The following THADA variants were observed in gnomAD, a reference collection of about 807,000 sequenced individuals.
THADA encodes tRNA (32-2'-O)-methyltransferase regulator THADA.
THADA carries 213 observed loss-of-function variants against 219.8 expected under a neutral mutation model. That is an observed-to-expected ratio of 0.97 (90% confidence interval 0.87 to 1.09). The LOEUF is 1.09. Among genes scored for constraint, THADA ranks in the 50% least tolerant of loss-of-function variants. The pLI is 0.00. For missense variants in THADA, 2,956 were observed against 2,311.3 expected (o/e 1.28, Z -5.72); for synonymous variants, 1,018 against 828.9 (o/e 1.23, Z -3.92).
At chr2:43,438,206 G>T (rs2104849349) in intron 26 of THADA, among the ~76,000 whole-genome samples, 1 of 149,964 alleles carries the variant, frequency 6.7e-6, no homozygotes, top group South Asian at 2.1e-4. Flanking sequence ...GGAGGCTGAG[G>T]CAGGAGAATG....
chr2:43,498,481 T>C lies in THADA; in HGVS notation c.3744+352A>G, dbSNP rs561242912. On this transcript the variant is annotated intron_variant, in intron 25 of 37. Transcript: ENST00000405975. ...TAAAATGTGTAACAATAACAGCACA[T>C]AGATTGGGAGGAGAGAAACAGAAGT... Among the ~76,000 whole-genome samples the C allele has an allele frequency of 1.1e-4, 16 of 152,306 alleles. No individual in the cohort carries two copies. In the South Asian group the frequency reaches 3.3e-3, roughly 32 times the overall value.
intron 28 of THADA, among the ~76,000 whole-genome samples, chr2:43,401,504 TC>T (rs1347675525): frequency 1.3e-5 from 2 of 152,196 alleles, no homozygotes; most frequent in Non-Finnish European, 2.9e-5. Flanking sequence ...GGTCTCGATC[TC>T]CTGACCTCGT....
At chr2:43,392,884 G>C (rs953719986) in intron 29 of THADA, among the ~76,000 whole-genome samples, 1 of 152,152 alleles carries the variant, frequency 6.6e-6, no homozygotes, top group African/African-American at 2.4e-5. Context: ...CAGTGCCTAG[G>C]ACAGGGTAAG....
chr2:43,392,496 C>T (rs1450729581), intron 29 of THADA, among the ~76,000 whole-genome samples: 3 of 152,026 alleles, frequency 2.0e-5, no homozygotes, highest in Non-Finnish European at 4.4e-5. Flanking sequence ...ACAGTGATTC[C>T]TTCATACAAC....
At chr2:43,540,208 C>G (rs183844032) in intron 21 of THADA, among the ~76,000 whole-genome samples, 1 of 152,190 alleles carries the variant, frequency 6.6e-6, no homozygotes, top group Non-Finnish European at 1.5e-5. Flanking sequence ...AGGACACTGA[C>G]GCCTATTTGA....
intron 29 of THADA, among the ~76,000 whole-genome samples, chr2:43,389,915 A>G (rs1673147635): frequency 6.6e-6 from 1 of 152,162 alleles, no homozygotes; most frequent in South Asian, 2.1e-4. Context: ...TGCAGTGTCA[A>G]TGGTTTATTT....
chr2:43,504,057 A>C (rs571422698), intron 24 of THADA, among the ~76,000 whole-genome samples: 1 of 152,158 alleles, frequency 6.6e-6, no homozygotes, highest in South Asian at 2.1e-4. Context: ...TATAATGCAA[A>C]TATGCCAAAA....
intron 16 of THADA, among the ~76,000 whole-genome samples, chr2:43,557,053 A>G (rs542451858): frequency 6.6e-6 from 1 of 152,330 alleles, no homozygotes; most frequent in African/African-American, 2.4e-5. Flanking sequence ...ACTGTGCTCC[A>G]GCCTAGGCAA....
chr2:43,468,561 C>T (rs1453892177), intron 26 of THADA, among the ~76,000 whole-genome samples: 1 of 152,158 alleles, frequency 6.6e-6, no homozygotes, highest in African/African-American at 2.4e-5. Context: ...CTCATTTTCA[C>T]TGCTACCAAA....
At chr2:43,472,977 G>C (rs966624310) in intron 26 of THADA, among the ~76,000 whole-genome samples, 1 of 152,196 alleles carries the variant, frequency 6.6e-6, no homozygotes, top group Non-Finnish European at 1.5e-5. Flanking sequence ...AGGACTGGAA[G>C]TTGTTCTGGG....
intron 30 of THADA, among the ~76,000 whole-genome samples, chr2:43,336,896 C>A (rs1395964506): frequency 6.6e-6 from 1 of 152,206 alleles, no homozygotes; most frequent in Non-Finnish European, 1.5e-5. Flanking sequence ...TGCAGAAGCA[C>A]AGAGTATACT....
intron 31 of THADA, among the ~76,000 whole-genome samples, chr2:43,301,051 G>A (rs188878398): frequency 1.3e-5 from 2 of 152,146 alleles, no homozygotes; most frequent in Non-Finnish European, 2.9e-5. Context: ...TCCCACTCTT[G>A]TAGATTCTGA....
intron 30 of THADA, chr2:43,343,512 T>C (rs181846804): frequency 6.6e-6 from 1 of 152,436 alleles, no homozygotes; most frequent in African/African-American, 2.4e-5. Flanking sequence ...GAACATGGCA[T>C]TACAGAGAGG....
intron 21 of THADA, among the ~76,000 whole-genome samples, chr2:43,529,951 G>T (rs1693650121): frequency 6.6e-6 from 1 of 152,092 alleles, no homozygotes; most frequent in African/African-American, 2.4e-5. Context: ...AAACTGAAAA[G>T]CTCAGAACAG....
intron 30 of THADA, among the ~76,000 whole-genome samples, chr2:43,327,545 T>C (rs1043189882): frequency 4.6e-5 from 7 of 152,190 alleles, no homozygotes; most frequent in Admixed American, 4.6e-4. Flanking sequence ...CTACAACATG[T>C]TTCCACATCC....
At chr2:43,375,596 G>C (rs985867573) in intron 29 of THADA, among the ~76,000 whole-genome samples, 16 of 152,164 alleles carry the variant, frequency 1.1e-4, no homozygotes, top group African/African-American at 3.6e-4. Flanking sequence ...TTAAAGTGAA[G>C]CTAGCATGCA....
At chr2:43,275,891 T>A (rs922439189) in intron 36 of THADA, among the ~76,000 whole-genome samples, 26 of 152,240 alleles carry the variant, frequency 1.7e-4, no homozygotes, top group African/African-American at 6.0e-4. Flanking sequence ...TCCAGGTTGT[T>A]TTTCCCACAC....
chr2:43,301,707 G>A (rs2104407770), intron 31 of THADA, among the ~76,000 whole-genome samples: 1 of 152,310 alleles, frequency 6.6e-6, no homozygotes, highest in Admixed American at 6.5e-5. Flanking sequence ...AAATACTCAT[G>A]TCAGGGGACA....
intron 25 of THADA, among the ~76,000 whole-genome samples, chr2:43,486,953 C>A (rs530008997): frequency 4.3e-4 from 66 of 152,286 alleles, no homozygotes; most frequent in African/African-American, 1.6e-3. Context: ...TGACTCAAGT[C>A]ATGCATGGTA....
Sources: allele counts gnomAD v4.1 joint callset (sites outside exome capture counted in the v4.1 genomes callset), GRCh38; gene constraint gnomAD v4.1.1; transcripts MANE v1.5; gene names NCBI Gene and HGNC (gene_info 2026-07-23, HGNC 2026-07-21).